The following HPD variants were observed in gnomAD, a reference collection of about 807,000 sequenced individuals.
HPD encodes the protein 4-hydroxyphenylpyruvate dioxygenase, also known as 4-hydroxyphenylpyruvic acid oxidase.
HPD carries 35 observed loss-of-function variants against 56.9 expected under a neutral mutation model. That is an observed-to-expected ratio of 0.62 (90% CI 0.47 to 0.82). HPD has a LOEUF of 0.82. Ranked by LOEUF, HPD falls within the 40% of genes least tolerant of loss-of-function variation. HPD has a pLI of 0.00. For synonymous variants in HPD, 186 were observed against 200.2 expected (o/e 0.93, Z 0.60); for missense variants, 442 against 506.8 (o/e 0.87, Z 1.23).
At chr12:121,881,560 T>A in the HPD span, among the ~76,000 whole-genome samples, 5 of 152,114 alleles carry the variant, frequency 3.3e-5, no homozygotes, top group African/African-American at 7.2e-5. Flanking sequence ...CCCTTTAGGC[T>A]TAAGGGGTGG....
the HPD span, among the ~76,000 whole-genome samples, chr12:121,869,216 G>A: frequency 6.6e-6 from 1 of 152,052 alleles, no homozygotes; most frequent in African/African-American, 2.4e-5. Context: ...CGGACATGGT[G>A]GCAGACGCCT....
the HPD span, among the ~76,000 whole-genome samples, chr12:121,882,502 G>A: frequency 7.2e-5 from 11 of 152,220 alleles, no homozygotes; most frequent in East Asian, 2.1e-3. Flanking sequence ...CAGAACAACT[G>A]GAAAGGGGAA....
At chr12:121,866,561 T>C (rs1484861969), upstream of HPD, among the ~76,000 whole-genome samples, 1 of 152,050 alleles carries the variant, frequency 6.6e-6, no homozygotes, top group African/African-American at 2.4e-5. Context: ...CAATGCAACC[T>C]TGCCATTTGG....
chr12:121,856,243 G>A (rs1270695906), intron 6 of HPD, 81 bp downstream of exon 6: 2 of 1,033,956 alleles, frequency 1.9e-6, no homozygotes, highest in Non-Finnish European at 3.1e-6. Flanking sequence ...TGATGCAGCA[G>A]TGTCCTTCCA....
At chr12:121,857,175 G>A in intron 4 of HPD, 153 bp downstream of exon 4, 1 of 642,248 alleles carries the variant, frequency 1.6e-6, no homozygotes, top group African/African-American at 1.8e-5. Flanking sequence ...TGCCTCCCGG[G>A]TTCAAGCGAT....
chr12:121,881,115 T>A, the HPD span, among the ~76,000 whole-genome samples: 1 of 152,220 alleles, frequency 6.6e-6, no homozygotes, highest in Non-Finnish European at 1.5e-5. Context: ...TAAAAATTAC[T>A]TTCTGCTCTG....
At chr12:121,882,877 C>T in the HPD span, among the ~76,000 whole-genome samples, 1 of 152,056 alleles carries the variant, frequency 6.6e-6, no homozygotes, top group African/African-American at 2.4e-5. Context: ...GGATTACAGG[C>T]ACCTGCCACC....
chr12:121,885,808 C>CA, the HPD span, among the ~76,000 whole-genome samples: 4 of 149,686 alleles, frequency 2.7e-5, no homozygotes, highest in Non-Finnish European at 4.4e-5. Flanking sequence ...ACTAAAAATA[C>CA]AAAAAAATTA....
chr12:121,843,527 G>A lies in HPD; in HGVS notation c.954+183C>T, dbSNP rs111740790. Among the ~76,000 whole-genome samples, 14 of 152,322 alleles carry A rather than the reference G, an allele frequency of 9.2e-5. 1 individual carries two copies. The highest frequency in any genetic ancestry group is 2.0e-4 in the Admixed American group (3 of 15,300). On this transcript the variant is annotated intron_variant, in intron 12 of 13. Coordinates refer to ENST00000289004, the MANE Select transcript of HPD (RefSeq NM_002150.3). ...CTTCCTGCACTGACTATCTCTGACC[G>A]TGCTTTTATTGTTTATTTGTTTGTC...
At chr12:121,843,173 C>T (rs1280348444) in intron 12 of HPD, among the ~76,000 whole-genome samples, 3 of 152,158 alleles carry the variant, frequency 2.0e-5, no homozygotes, top group African/African-American at 7.2e-5. Flanking sequence ...AACCAAAAAA[C>T]CCTCCAGTGG....
intron 8 of HPD, among the ~76,000 whole-genome samples, chr12:121,849,424 G>T (rs1401863509): frequency 6.6e-6 from 1 of 152,044 alleles, no homozygotes; most frequent in Non-Finnish European, 1.5e-5. Context: ...AGAAACTGAG[G>T]CCTAGAGAGA....
chr12:121,840,768 A>C (rs1877380190), intron 12 of HPD, among the ~76,000 whole-genome samples: 4 of 151,594 alleles, frequency 2.6e-5, no homozygotes, highest in Admixed American at 2.6e-4. Context: ...TCCTTAAAAT[A>C]CGGATTAAAA....
At chr12:121,856,984 A>C (rs1042831211) in intron 4 of HPD, 9 of 498,242 alleles carry the variant, frequency 1.8e-5, no homozygotes, top group Non-Finnish European at 2.9e-5. Flanking sequence ...GAAACTAGGA[A>C]GGGCCGTGTT....
chr12:121,854,413 G>A (rs914186164), intron 7 of HPD, among the ~76,000 whole-genome samples: 2 of 152,110 alleles, frequency 1.3e-5, no homozygotes, highest in African/African-American at 2.4e-5. Flanking sequence ...CACACAGCTC[G>A]TGTGGGAACT....
At chr12:121,851,377 C>T (rs183597406) in intron 7 of HPD, among the ~76,000 whole-genome samples, 17 of 149,878 alleles carry the variant, frequency 1.1e-4, no homozygotes, top group Admixed American at 2.7e-4. Flanking sequence ...GATGGAGTCT[C>T]GCTCTGTCGC....
chr12:121,884,083 C>G, the HPD span, among the ~76,000 whole-genome samples: 2 of 151,892 alleles, frequency 1.3e-5, no homozygotes, highest in Non-Finnish European at 2.9e-5. Context: ...ATCAATTGGC[C>G]CAGTAAGTCT....
At position 121,856,600 on chromosome 12, in the gene HPD, A is replaced by G. The variant is rs1878008989; in HGVS notation, c.224T>C (p.Leu75Pro). Reference sequence around the variant, plus strand: ...CACCTCACCTTTGTTCCAGGGGTTGAGCGCTGAGGAGAGGACAAACACAAT... The same window carrying G: ...CACCTCACCTTTGTTCCAGGGGTTGGGCGCTGAGGAGAGGACAAACACAAT... Reference protein sequence around the residue: ...GKIVFVLSSALNPWNKEMGDH... With the variant: ...GKIVFVLSSAPNPWNKEMGDH... Residue 75 changes from leucine (L) to proline (P), a missense_variant, in exon 5 of 14, where the codon CTC (leucine) becomes CCC (proline). By Grantham distance (98) the Leu-to-Pro change is moderately conservative (BLOSUM62 -3). Coordinates refer to ENST00000289004, the MANE Select transcript of HPD (RefSeq NM_002150.3). 7 of 1,613,970 alleles carry G rather than the reference A, an allele frequency of 4.3e-6. No individual in the cohort carries two copies. The highest frequency in any genetic ancestry group is 2.2e-5 in the East Asian group (1 of 44,878).
At chr12:121,850,257 T>A (rs1877721188) in intron 7 of HPD, among the ~76,000 whole-genome samples, 1 of 151,644 alleles carries the variant, frequency 6.6e-6, no homozygotes, top group Middle Eastern at 3.2e-3. Flanking sequence ...CTGTCTCTAC[T>A]AAAAAATACA....
At chr12:121,863,916 T>G (rs936007855), upstream of HPD, among the ~76,000 whole-genome samples, 1 of 152,014 alleles carries the variant, frequency 6.6e-6, no homozygotes, top group Non-Finnish European at 1.5e-5. Context: ...TATAAAAATG[T>G]TTTTCTGTGA....
Sources: allele counts gnomAD v4.1 joint callset (sites outside exome capture counted in the v4.1 genomes callset), GRCh38; gene constraint gnomAD v4.1.1; transcripts MANE v1.5; gene names NCBI Gene and HGNC (gene_info 2026-07-23, HGNC 2026-07-21).